TNFAIP8L1: variants seen among roughly 807,000 people sequenced by gnomAD.
TNFAIP8L1 encodes the protein TNF alpha induced protein 8 like 1.
For synonymous variants in TNFAIP8L1, 127 were observed against 125.6 expected (o/e 1.01, Z -0.08); for missense variants, 225 against 266.1 (o/e 0.85, Z 1.08).
At chr19:4,640,175 T>C (rs1249699210) in intron 1 of TNFAIP8L1, 1 of 152,216 alleles carries the variant, frequency 6.6e-6, no homozygotes, top group East Asian at 1.9e-4. Flanking sequence ...TGGCAGGTGA[T>C]CTGAAGGACA....
At chr19:4,646,081 C>A (rs1233964003) in intron 1 of TNFAIP8L1, among the ~76,000 whole-genome samples, 1 of 152,128 alleles carries the variant, frequency 6.6e-6, no homozygotes, top group African/African-American at 2.4e-5. Flanking sequence ...TGGCCCATAT[C>A]TCTCTTCCTG....
intron 1 of TNFAIP8L1, among the ~76,000 whole-genome samples, chr19:4,651,143 G>A (rs1229206407): frequency 6.6e-6 from 1 of 151,918 alleles, no homozygotes; most frequent in Non-Finnish European, 1.5e-5. Context: ...ATGGAGCTGT[G>A]GGGTGAGGGT....
intron 1 of TNFAIP8L1, among the ~76,000 whole-genome samples, chr19:4,648,788 G>C (rs888189898): frequency 2.6e-5 from 4 of 152,206 alleles, no homozygotes; most frequent in African/African-American, 9.6e-5. Context: ...CTCCAGGGCC[G>C]ATGGGGTCCA....
rs927682017 is a variant in TNFAIP8L1 at position 4,651,187 on chromosome 19, G to A, written c.-3-680G>A. Among the ~76,000 whole-genome samples the A allele has an allele frequency of 3.3e-5, 5 of 151,576 alleles. No homozygotes were observed. The South Asian group carries it at 6.3e-4, about 19-fold the overall frequency. On this transcript the variant is annotated intron_variant, in intron 1 of 1. Coordinates refer to ENST00000327473, the MANE Select transcript of TNFAIP8L1 (RefSeq NM_152362.3). ...TTGAGCTGGACCTAGGGGATGGAAC[G>A]GAACCCCCTGTAACAATCACCTTGA...
At chr19:4,644,290 A>T (rs1342706130) in intron 1 of TNFAIP8L1, among the ~76,000 whole-genome samples, 1 of 152,026 alleles carries the variant, frequency 6.6e-6, no homozygotes, top group Non-Finnish European at 1.5e-5. Flanking sequence ...CTGCAATCCC[A>T]GCACTTTGGG....
In TNFAIP8L1 at chr19:4,652,278, G is replaced by A. The variant is rs867053404; in HGVS notation, c.409G>A (p.Ala137Thr). The A allele has an allele frequency of 6.4e-7, 1 of 1,565,248 alleles. No homozygotes were observed. Among genetic ancestry groups the A allele is most frequent in the Non-Finnish European group, 8.6e-7 (1 of 1,158,626 alleles). The stretch of plus-strand genomic sequence containing the variant: ...CCAGGCCGTGGGTCCCCACCTGACC[G>A]CCAAGTCCCACGGCCGCATCAACCA... ...LHQAVGPHLT[A>T]KSHGRINHVF... Residue 137 changes from alanine (A) to threonine (T), a missense_variant, in exon 2 of 2, where the codon GCC (alanine) becomes ACC (threonine). Ala to Thr is a moderately conservative substitution (Grantham distance 58, BLOSUM62 0). Coordinates refer to ENST00000327473, the MANE Select transcript of TNFAIP8L1 (RefSeq NM_152362.3).
chr19:4,643,472 G>A (rs1487848912), intron 1 of TNFAIP8L1, among the ~76,000 whole-genome samples: 1 of 152,178 alleles, frequency 6.6e-6, no homozygotes, highest in African/African-American at 2.4e-5. Flanking sequence ...TTTCTCCAGT[G>A]GAAATCTGGC....
At chr19:4,644,540 G>A (rs2088291907) in intron 1 of TNFAIP8L1, among the ~76,000 whole-genome samples, 1 of 141,420 alleles carries the variant, frequency 7.1e-6, no homozygotes, top group South Asian at 2.2e-4. Flanking sequence ...GTAAGACCTT[G>A]TCTTAAAAAA....
In TNFAIP8L1 at chr19:4,655,309, C is replaced by T. The variant is rs555554668; in HGVS notation, c.*2879C>T. 1 of 152,382 alleles carries T rather than the reference C, an allele frequency of 6.6e-6. No homozygotes were observed. The highest frequency in any genetic ancestry group is 2.1e-4 in the South Asian group (1 of 4,832). The allele number at this position is 152,382 out of a possible 1,614,324, so 9.4% of individuals were successfully genotyped here. On this transcript the variant is annotated 3_prime_UTR_variant, in exon 2 of 2. Coordinates refer to ENST00000327473, the MANE Select transcript of TNFAIP8L1 (RefSeq NM_152362.3). ...TGGCCAGAGAGCCAGCTGTTCCTAC[C>T]TCTACCCCACGCTTCCAAGGCAACC...
intron 1 of TNFAIP8L1, among the ~76,000 whole-genome samples, chr19:4,643,278 CA>C (rs758868410): frequency 0.038 from 4,678 of 123,622 alleles, 226 homozygotes; most frequent in African/African-American, 0.12. Flanking sequence ...GACTCTGTCT[CA>C]AAAAAAAAAA....
At chr19:4,649,462 A>G (rs528221809) in intron 1 of TNFAIP8L1, among the ~76,000 whole-genome samples, 3 of 152,292 alleles carry the variant, frequency 2.0e-5, no homozygotes, top group Non-Finnish European at 4.4e-5. Context: ...CACATTGTTA[A>G]GTTGCTTGCT....
In TNFAIP8L1 at chr19:4,652,250, G is replaced by A. The variant is rs1391804858; in HGVS notation, c.381G>A (p.Leu127=). ...GGCTGCTCGAGTGCCGCGACCTGCT[G>A]CACCAGGCCGTGGGTCCCCACCTGA... is the stretch of plus-strand genomic sequence containing the variant. The part of the protein sequence containing the change: ...AAGLLECRDL[L]HQAVGPHLTA... The change falls in exon 2 of 2, where the codon CTG becomes CTA. Residue 127 remains leucine (L), a synonymous_variant. Transcript: ENST00000327473. 10 of 1,557,874 alleles carry A rather than the reference G, an allele frequency of 6.4e-6. No individual in the cohort carries two copies. The highest frequency in any genetic ancestry group is 8.7e-6 in the Non-Finnish European group (10 of 1,155,146).
intron 1 of TNFAIP8L1, among the ~76,000 whole-genome samples, chr19:4,649,912 C>T (rs969918894): frequency 4.6e-5 from 7 of 152,196 alleles, no homozygotes; most frequent in African/African-American, 9.6e-5. Context: ...ACACAAAGAC[C>T]GGCTTTGTGG....
intron 1 of TNFAIP8L1, among the ~76,000 whole-genome samples, chr19:4,650,761 C>A (rs961599842): frequency 6.6e-6 from 1 of 152,178 alleles, no homozygotes; most frequent in Non-Finnish European, 1.5e-5. Flanking sequence ...CCACAAATGG[C>A]CCCCTGTGAA....
chr19:4,646,779 C>T (rs1178452399), intron 1 of TNFAIP8L1, among the ~76,000 whole-genome samples: 2 of 152,000 alleles, frequency 1.3e-5, no homozygotes, highest in Non-Finnish European at 2.9e-5. Context: ...TACAGGTGCC[C>T]GCCACCGCGC....
In TNFAIP8L1 at chr19:4,652,539, G is replaced by A; in HGVS notation, c.*109G>A. 1 of 1,118,482 alleles carries A rather than the reference G, an allele frequency of 8.9e-7. No individual in the cohort carries two copies. The highest frequency in any genetic ancestry group is 1.2e-6 in the Non-Finnish European group (1 of 800,224). 69.3% of individuals were successfully genotyped at this position (1,118,482 alleles called of 1,614,324 possible). ...CCTCTTTTCTCCCAATCGGACTCCG[G>A]CCAAACTCCCCTAGACAGATGGGTG... On this transcript the variant is annotated 3_prime_UTR_variant, in exon 2 of 2. Coordinates refer to ENST00000327473, the MANE Select transcript of TNFAIP8L1 (RefSeq NM_152362.3).
rs763084802 is a variant in TNFAIP8L1 at position 4,652,021 on chromosome 19, G to A, written c.152G>A (p.Arg51His). The A allele has an allele frequency of 1.9e-6, 3 of 1,613,900 alleles. No homozygotes were observed. Among genetic ancestry groups the A allele is most frequent in the Non-Finnish European group, 1.7e-6 (2 of 1,179,896 alleles). The change falls in exon 2 of 2, where the codon CGC becomes CAC. Residue 51 changes from arginine to histidine, a missense_variant. Transcript: ENST00000327473. ...TACCGCGCCACCAGGGAGTTCACGCGCAGCCGCAAGGAGGCCCAGAAGATG... is the reference window on the plus strand; with the variant it reads ...TACCGCGCCACCAGGGAGTTCACGCACAGCCGCAAGGAGGCCCAGAAGATG... ...ELYRATREFT[R>H]SRKEAQKMLK...
Position 4,639,543 on chromosome 19 carries a change from C to T in TNFAIP8L1, c.-90C>T, listed in dbSNP as rs1341459069. 2.0e-5 allele frequency: 3 copies of T among 152,132 alleles called. No homozygotes were observed. Among genetic ancestry groups the T allele is most frequent in the Non-Finnish European group, 2.9e-5 (2 of 67,802 alleles). The allele number at this position is 152,132 out of a possible 1,614,324, so 9.4% of individuals were successfully genotyped here. On this transcript the variant is annotated 5_prime_UTR_variant, in exon 1 of 2. Coordinates refer to ENST00000327473, the MANE Select transcript of TNFAIP8L1 (RefSeq NM_152362.3). ...CCCCGGCCCCGGCTCCGGCGCTGCT[C>T]CCACCGCCGCGGCAACGGCCCCGGC...
chr19:4,649,777 C>T (rs2088345156), intron 1 of TNFAIP8L1, among the ~76,000 whole-genome samples: 1 of 152,254 alleles, frequency 6.6e-6, no homozygotes, highest in African/African-American at 2.4e-5. Context: ...TGGCCTAGGC[C>T]TGTGCAGAGC....
Sources: gnomAD v4.1 joint callset for allele counts (sites outside exome capture counted in the v4.1 genomes callset) on GRCh38, gnomAD v4.1.1 for gene constraint, MANE v1.5 for transcripts, NCBI Gene and HGNC (gene_info 2026-07-23, HGNC 2026-07-21) for gene names.